FOXP4: variants seen among roughly 807,000 people sequenced by gnomAD.
FOXP4 encodes the protein forkhead box protein P4.
A neutral mutation model predicts 82.6 loss-of-function variants in FOXP4; 25 were observed. That is an observed-to-expected ratio of 0.30 (90% CI 0.22 to 0.42). The LOEUF (loss-of-function observed/expected upper bound fraction) is 0.42. Ranked by LOEUF, FOXP4 falls within the 10% of genes least tolerant of loss-of-function variation. FOXP4 has a pLI of 1.00. For missense variants in FOXP4, 785 were observed against 900.9 expected, an observed-to-expected ratio of 0.87 and a Z score of 1.65; for synonymous variants, 415 against 388.2, an observed-to-expected ratio of 1.07 and a Z score of -0.81.
chr6:41,596,856 G>A (rs548572877), intron 14 of FOXP4, among the ~76,000 whole-genome samples: 5 of 152,092 alleles, frequency 3.3e-5, no homozygotes, highest in African/African-American at 9.6e-5. Context: ...GAAAACGGGT[G>A]GGGGGGCAGC....
intron 1 of FOXP4, among the ~76,000 whole-genome samples, chr6:41,549,082 G>A (rs1211437181): frequency 1.3e-5 from 2 of 152,140 alleles, no homozygotes; most frequent in East Asian, 3.9e-4. Flanking sequence ...CCACACCCAG[G>A]GCCAGGGTGA....
chr6:41,590,299 G>C lies in FOXP4; in HGVS notation c.1386G>C (p.Lys462Asn), dbSNP rs1267216225. The C allele has an allele frequency of 7.4e-6, 12 of 1,613,912 alleles. No individual in the cohort carries two copies. Among genetic ancestry groups the C allele is most frequent in the Non-Finnish European group, 9.3e-6 (11 of 1,179,994 alleles). Reference sequence around the variant, plus strand: ...TGGCCCAGAATCATGAGTTCTACAAGAACGCCGACGTCCGGCCCCCCTTCA... The same window carrying C: ...TGGCCCAGAATCATGAGTTCTACAACAACGCCGACGTCCGGCCCCCCTTCA... Reference protein sequence around the residue: ...SELAQNHEFYKNADVRPPFTY... With the variant: ...SELAQNHEFYNNADVRPPFTY... The change falls in exon 12 of 17, where the codon AAG becomes AAC. Residue 462 changes from lysine (K) to asparagine (N), a missense_variant. Physicochemically the swap from Lys to Asn is moderately conservative, Grantham distance 94. Transcript: ENST00000307972.
intron 8 of FOXP4, among the ~76,000 whole-genome samples, chr6:41,588,123 C>T (rs1357518508): frequency 6.6e-6 from 1 of 152,162 alleles, no homozygotes; most frequent in Non-Finnish European, 1.5e-5. Context: ...CCATCCCCAG[C>T]GCAGGGTGCG....
At chr6:41,588,757 G>T (rs1401549292) in intron 9 of FOXP4, 26 bp downstream of exon 9, 1 of 1,611,562 alleles carries the variant, frequency 6.2e-7, no homozygotes, top group Non-Finnish European at 8.5e-7. Context: ...TGCTGGGGAG[G>T]GACATGGTGG....
At chr6:41,550,928 C>A (rs1282509310) in intron 1 of FOXP4, among the ~76,000 whole-genome samples, 1 of 152,192 alleles carries the variant, frequency 6.6e-6, no homozygotes, top group African/African-American at 2.4e-5. Context: ...ATTTTGGCAG[C>A]AAGTCTCAGA....
At chr6:41,583,063 A>C (rs1033291667) in intron 3 of FOXP4, among the ~76,000 whole-genome samples, 2 of 152,330 alleles carry the variant, frequency 1.3e-5, no homozygotes, top group East Asian at 3.9e-4. Flanking sequence ...TCCTAAGGGC[A>C]TATCCCCCAC....
chr6:41,598,565 GCTCCCCTCTTCTCTC>G (rs1451255697), intron 16 of FOXP4, among the ~76,000 whole-genome samples: 11 of 151,964 alleles, frequency 7.2e-5, no homozygotes, highest in Non-Finnish European at 1.5e-4. Context: ...TCTCCCCTCT[GCTCCCCTCTTCTCTC>G]CTCCCCAACC....
chr6:41,552,606 T>A (rs1333537770), intron 1 of FOXP4, among the ~76,000 whole-genome samples: 1 of 152,188 alleles, frequency 6.6e-6, no homozygotes, highest in Admixed American at 6.5e-5. Flanking sequence ...CAGTTCCAGT[T>A]GCTGGAAGCT....
chr6:41,573,510 C>G (rs750836970), intron 2 of FOXP4, among the ~76,000 whole-genome samples: 1 of 151,886 alleles, frequency 6.6e-6, no homozygotes, highest in Non-Finnish European at 1.5e-5. Context: ...GCTTCATTAG[C>G]GAGACTGAGT....
chr6:41,556,580 T>C (rs938335239), intron 1 of FOXP4, among the ~76,000 whole-genome samples: 1 of 152,172 alleles, frequency 6.6e-6, no homozygotes, highest in African/African-American at 2.4e-5. Context: ...CGCCTTGGCC[T>C]CCCAGAGTGC....
intron 2 of FOXP4, among the ~76,000 whole-genome samples, chr6:41,576,063 C>T (rs1000396411): frequency 6.6e-6 from 1 of 151,796 alleles, no homozygotes; most frequent in South Asian, 2.1e-4. Context: ...CCCCCCCCAC[C>T]CTTCCTCCTC....
At position 41,598,840 on chromosome 6, in the gene FOXP4, G is replaced by A. The variant is rs768633879; in HGVS notation, c.1947G>A (p.Gln649=). 29 of 1,581,152 alleles carry A rather than the reference G, an allele frequency of 1.8e-5. No individual in the cohort carries two copies. The highest frequency in any genetic ancestry group is 2.2e-5 in the Non-Finnish European group (26 of 1,164,716). Residue 649 remains glutamine, a synonymous_variant, in exon 17 of 17, where the codon CAG becomes CAA. Coordinates refer to ENST00000307972, the MANE Select transcript of FOXP4 (RefSeq NM_001012426.2). The part of the protein sequence containing the change: ...EEPAEAEEDR[Q]PGPPLGAPNP... Reference sequence around the variant, plus strand: ...CAGCAGAGGCAGAGGAAGACAGGCAGCCCGGGCCTCCCCTGGGCGCCCCTA... The same window carrying A: ...CAGCAGAGGCAGAGGAAGACAGGCAACCCGGGCCTCCCCTGGGCGCCCCTA...
At chr6:41,577,102 C>T (rs1052805037) in intron 2 of FOXP4, among the ~76,000 whole-genome samples, 1 of 152,124 alleles carries the variant, frequency 6.6e-6, no homozygotes, top group Non-Finnish European at 1.5e-5. Context: ...CCCTCCTACT[C>T]CTTGACTGTC....
At chr6:41,595,759 C>T (rs760653111) in intron 14 of FOXP4, among the ~76,000 whole-genome samples, 1 of 152,116 alleles carries the variant, frequency 6.6e-6, no homozygotes, top group South Asian at 2.1e-4. Context: ...CCCACGACCA[C>T]GCCCGGCTAA....
At chr6:41,585,561 C>A (rs1265094943) in intron 5 of FOXP4, 44 bp downstream of exon 5, 3 of 1,574,514 alleles carry the variant, frequency 1.9e-6, no homozygotes, top group Non-Finnish European at 2.6e-6. Flanking sequence ...CACCCCCTGC[C>A]CAGAGCTGGG....
chr6:41,554,859 C>G (rs938723470), intron 1 of FOXP4, among the ~76,000 whole-genome samples: 3 of 150,056 alleles, frequency 2.0e-5, no homozygotes, highest in African/African-American at 7.4e-5. Flanking sequence ...GACTCTGCCT[C>G]CAAAAAAAAA....
rs1767093756 is a variant in FOXP4 at position 41,599,535 on chromosome 6, TG to T, written c.*604del. The T allele has an allele frequency of 1.3e-5, 2 of 152,614 alleles. No homozygotes were observed. The highest frequency in any genetic ancestry group is 2.1e-4 in the South Asian group (1 of 4,820). The allele number at this position is 152,614 out of a possible 1,614,324, so 9.5% of individuals were successfully genotyped here. A position where few individuals can be genotyped will look rare whatever the true frequency, so the allele number is the denominator to read the frequency against. On this transcript the variant is annotated 3_prime_UTR_variant, in exon 17 of 17. Coordinates refer to ENST00000307972, the MANE Select transcript of FOXP4 (RefSeq NM_001012426.2). ...GGGGTGGGACTGTCTGTGTGCCCTG[TG>T]GGGGTCCGTGTGAGCAGGCCCACCT...
At position 41,587,015 on chromosome 6, in the gene FOXP4, G is replaced by A; in HGVS notation, c.517G>A (p.Gly173Arg). 6.3e-7 allele frequency: 1 copy of A among 1,588,990 alleles called. No homozygotes were observed. The change falls in exon 6 of 17, where the codon GGG becomes AGG. Residue 173 changes from glycine to arginine, a missense_variant. Coordinates refer to ENST00000307972, the MANE Select transcript of FOXP4 (RefSeq NM_001012426.2). ...AGKPQPKEAL[G>R]NKQLAFQQQL... ...CCCTCGGGCCCCTCACCAGGCACTGGGGAACAAGCAGCTGGCCTTCCAGCA... is the reference window on the plus strand; with the variant it reads ...CCCTCGGGCCCCTCACCAGGCACTGAGGAACAAGCAGCTGGCCTTCCAGCA...
intron 1 of FOXP4, among the ~76,000 whole-genome samples, chr6:41,563,170 C>T (rs1764683728): frequency 6.6e-6 from 1 of 152,206 alleles, no homozygotes; most frequent in East Asian, 1.9e-4. Context: ...CTCAGACTTA[C>T]TGGGACAGTG....
Sources: gnomAD v4.1 joint callset for allele counts (sites outside exome capture counted in the v4.1 genomes callset) on GRCh38, gnomAD v4.1.1 for gene constraint, MANE v1.5 for transcripts, NCBI Gene and HGNC (gene_info 2026-07-23, HGNC 2026-07-21) for gene names.